The following TUSC3 variants were observed in gnomAD, a reference collection of about 807,000 sequenced individuals.
TUSC3 encodes the protein dolichyl-diphosphooligosaccharide--protein glycosyltransferase subunit TUSC3.
TUSC3 carries 45 observed loss-of-function variants against 44.8 expected under a neutral mutation model. The ratio of observed to expected loss-of-function variants is 1.00; its 90% CI spans 0.79 to 1.29. The LOEUF is 1.29. TUSC3 is among the 50% of genes most tolerant of loss of function. The probability of loss-of-function intolerance (pLI) is 0.00; values close to 1 mark genes in which losing one functional copy is unlikely to be tolerated. For synonymous variants in TUSC3, 212 were observed against 152.9 expected, an observed-to-expected ratio of 1.39 and a Z score of -2.85; for missense variants, 519 against 437.9, an observed-to-expected ratio of 1.19 and a Z score of -1.65.
chr8:15,561,358 A>G (rs375404019), intron 1 of TUSC3, among the ~76,000 whole-genome samples: 4 of 126,844 alleles, frequency 3.2e-5, no homozygotes, highest in African/African-American at 1.2e-4. Context: ...GCAGTCTGCC[A>G]GTTCTCAGAT....
chr8:15,530,780 G>T (rs1433540574), intron 2 of TUSC3, among the ~76,000 whole-genome samples: 1 of 152,136 alleles, frequency 6.6e-6, no homozygotes, highest in South Asian at 2.1e-4. Flanking sequence ...TTTTTTATAT[G>T]TATTGTTTTA....
the TUSC3 span, among the ~76,000 whole-genome samples, chr8:15,774,813 A>AT: frequency 0.025 from 3,720 of 150,186 alleles, 58 homozygotes; most frequent in Non-Finnish European, 0.03. Context: ...ATCAGAATGT[A>AT]TTTTTTTTTT....
intron 1 of TUSC3, among the ~76,000 whole-genome samples, chr8:15,581,673 G>A (rs1456322654): frequency 5.4e-5 from 8 of 148,688 alleles, no homozygotes; most frequent in East Asian, 2.0e-4. Flanking sequence ...CAGTCTGCCC[G>A]TTCTCAGATC....
At chr8:15,586,310 A>C (rs562980775) in intron 1 of TUSC3, among the ~76,000 whole-genome samples, 1 of 152,236 alleles carries the variant, frequency 6.6e-6, no homozygotes, top group Admixed American at 6.5e-5. Context: ...GTGGGGAAAA[A>C]CACCGTTGTA....
intron 1 of TUSC3, among the ~76,000 whole-genome samples, chr8:15,562,267 T>C (rs1357564837): frequency 6.6e-6 from 1 of 152,128 alleles, no homozygotes; most frequent in Non-Finnish European, 1.5e-5. Flanking sequence ...CATTCGTGGA[T>C]GGTATATAAG....
intron 2 of TUSC3, among the ~76,000 whole-genome samples, chr8:15,625,443 A>T (rs186890237): frequency 6.6e-6 from 1 of 152,306 alleles, no homozygotes; most frequent in Non-Finnish European, 1.5e-5. Flanking sequence ...GTTTGGTAGC[A>T]TTTTCCAGTA....
chr8:15,812,303 G>A, the TUSC3 span, among the ~76,000 whole-genome samples: 1 of 152,118 alleles, frequency 6.6e-6, no homozygotes, highest in Non-Finnish European at 1.5e-5. Flanking sequence ...TGTTAGAGAA[G>A]GTAACATTCA....
At chr8:15,850,876 C>T in the TUSC3 span, among the ~76,000 whole-genome samples, 1 of 152,250 alleles carries the variant, frequency 6.6e-6, no homozygotes, top group East Asian at 1.9e-4. Flanking sequence ...GAGTTGAAAC[C>T]TCCTTCGAAT....
the TUSC3 span, among the ~76,000 whole-genome samples, chr8:15,833,777 C>A: frequency 4.0e-5 from 6 of 151,694 alleles, no homozygotes; most frequent in Non-Finnish European, 8.8e-5. Context: ...ATCTGTACAA[C>A]AAACCCCGTT....
the TUSC3 span, among the ~76,000 whole-genome samples, chr8:15,841,091 A>G: frequency 6.6e-6 from 1 of 152,120 alleles, no homozygotes; most frequent in African/African-American, 2.4e-5. Flanking sequence ...CTAGTTTGGC[A>G]TTAATTATCA....
the TUSC3 span, chr8:15,806,980 C>A: frequency 1.4e-6 from 2 of 1,464,350 alleles, no homozygotes; most frequent in Non-Finnish European, 1.9e-6. Flanking sequence ...GAAACCTGTT[C>A]TGATTCCATT....
the TUSC3 span, among the ~76,000 whole-genome samples, chr8:15,772,846 T>G: frequency 1.3e-5 from 2 of 152,112 alleles, no homozygotes; most frequent in African/African-American, 2.4e-5. Context: ...TGGTTCAACA[T>G]ATGAGAAAGA....
At chr8:15,508,708 G>A (rs1801093038) in intron 2 of TUSC3, among the ~76,000 whole-genome samples, 1 of 152,002 alleles carries the variant, frequency 6.6e-6, no homozygotes, top group Non-Finnish European at 1.5e-5. Context: ...TGATTCACCC[G>A]CCTGGGCGTC....
At chr8:15,636,976 T>G (rs1806107825) in intron 2 of TUSC3, among the ~76,000 whole-genome samples, 1 of 152,214 alleles carries the variant, frequency 6.6e-6, no homozygotes, top group South Asian at 2.1e-4. Context: ...TTTTTTTGCC[T>G]TGTGGGCCAA....
chr8:15,446,475 C>T (rs1196664463), intron 1 of TUSC3, among the ~76,000 whole-genome samples: 3 of 152,066 alleles, frequency 2.0e-5, no homozygotes, highest in South Asian at 2.1e-4. Flanking sequence ...TCTGCAATCC[C>T]GGCACCTCAG....
chr8:15,542,480 G>T (rs1257100664), intron 1 of TUSC3, among the ~76,000 whole-genome samples: 1 of 151,958 alleles, frequency 6.6e-6, no homozygotes, highest in Non-Finnish European at 1.5e-5. Context: ...TTAGCTTTGG[G>T]ATATGCCCTC....
chr8:15,614,465 G>T (rs987875514), intron 1 of TUSC3, among the ~76,000 whole-genome samples: 1 of 152,060 alleles, frequency 6.6e-6, no homozygotes, highest in Non-Finnish European at 1.5e-5. Context: ...CTTACCTTGA[G>T]GCCCAGACAA....
At chr8:15,544,276 A>C (rs538913024) in intron 1 of TUSC3, among the ~76,000 whole-genome samples, 1 of 152,044 alleles carries the variant, frequency 6.6e-6, no homozygotes, top group East Asian at 1.9e-4. Flanking sequence ...CTTATCAGTT[A>C]ATCAGCTTCA....
At chr8:15,805,536 G>A in the TUSC3 span, among the ~76,000 whole-genome samples, 492 of 152,178 alleles carry the variant, frequency 3.2e-3, 6 homozygotes, top group African/African-American at 0.011. Context: ...GGTTTATTAT[G>A]AAAGGATGTT....
Sources: gnomAD v4.1 joint callset for allele counts (sites outside exome capture counted in the v4.1 genomes callset) on GRCh38, gnomAD v4.1.1 for gene constraint, MANE v1.5 for transcripts, NCBI Gene and HGNC (gene_info 2026-07-23, HGNC 2026-07-21) for gene names.